Variants in SCUBE1 observed in about 807,000 individuals in gnomAD.
SCUBE1 encodes signal peptide, CUB domain and EGF like domain containing 1, also known as signal peptide, CUB and EGF-like domain-containing protein 1.
A neutral mutation model predicts 124.4 loss-of-function variants in SCUBE1; 59 were observed. That is an observed-to-expected ratio of 0.47 (90% CI 0.38 to 0.59). The LOEUF is 0.59. SCUBE1 is among the 20% of genes least tolerant of loss of function. The probability of loss-of-function intolerance (pLI) is 0.00; values close to 1 mark genes in which losing one functional copy is unlikely to be tolerated. For synonymous variants in SCUBE1, 545 were observed against 550.9 expected, an observed-to-expected ratio of 0.99 and a Z score of 0.15; for missense variants, 1,150 against 1,371.2, an observed-to-expected ratio of 0.84 and a Z score of 2.55.
intron 2 of SCUBE1, among the ~76,000 whole-genome samples, chr22:43,332,539 G>A (rs1926935683): frequency 6.6e-6 from 1 of 152,134 alleles, no homozygotes. Flanking sequence ...GGCCTGGCCT[G>A]ATGCTGGGAC....
At chr22:43,286,583 T>C (rs1027584784) in intron 4 of SCUBE1, among the ~76,000 whole-genome samples, 2 of 152,198 alleles carry the variant, frequency 1.3e-5, no homozygotes, top group African/African-American at 4.8e-5. Context: ...GAGGAGACCA[T>C]GTCACGAACG....
chr22:43,283,956 C>T (rs866989569), intron 4 of SCUBE1: 1 of 152,164 alleles, frequency 6.6e-6, no homozygotes, highest in Non-Finnish European at 1.5e-5. Flanking sequence ...TAAATTTAAC[C>T]AGAGGTCATC....
chr22:43,333,776 A>T (rs1451053746), intron 2 of SCUBE1, among the ~76,000 whole-genome samples: 2 of 152,214 alleles, frequency 1.3e-5, no homozygotes, highest in African/African-American at 4.8e-5. Flanking sequence ...TCCTCTATCA[A>T]CTGTGTAACC....
At chr22:43,218,485 G>A (rs918774644) in intron 14 of SCUBE1, 27 bp from the exon 15 acceptor site, 2 of 1,601,100 alleles carry the variant, frequency 1.2e-6, no homozygotes, top group Non-Finnish European at 1.7e-6. Context: ...GACAGAACAT[G>A]AATCGCTGGC....
At chr22:43,218,521 G>T (rs1242641319) in intron 14 of SCUBE1, 63 bp from the exon 15 acceptor site, 4 of 1,555,994 alleles carry the variant, frequency 2.6e-6, no homozygotes, top group Non-Finnish European at 3.5e-6. Flanking sequence ...TGCCTTCTTA[G>T]CTGAGGGCTC....
At chr22:43,229,257 A>G in intron 8 of SCUBE1, 69 bp from the exon 9 acceptor site, 1 of 1,020,826 alleles carries the variant, frequency 9.8e-7, no homozygotes, top group South Asian at 1.3e-5. Context: ...ACGGCCTGTC[A>G]CTCTCAGTCA....
chr22:43,290,905 C>T (rs187275159), intron 4 of SCUBE1, 141 bp downstream of exon 4: 63 of 860,094 alleles, frequency 7.3e-5, no homozygotes, highest in Admixed American at 7.1e-4. Context: ...CAATACCAGA[C>T]GTGCAAAACA....
intron 6 of SCUBE1, among the ~76,000 whole-genome samples, chr22:43,254,565 G>T (rs1036277756): frequency 6.6e-6 from 1 of 152,206 alleles, no homozygotes; most frequent in South Asian, 2.1e-4. Context: ...CCTGCAGGGT[G>T]GTGTGGGACT....
chr22:43,218,603 C>T, intron 14 of SCUBE1, 145 bp from the exon 15 acceptor site: 1 of 806,600 alleles, frequency 1.2e-6, no homozygotes, highest in Non-Finnish European at 2.0e-6. Flanking sequence ...GGCAAGGGGC[C>T]ACTGTCATGC....
At position 43,218,425 on chromosome 22, in the gene SCUBE1, G is replaced by A; in HGVS notation, c.1721C>T (p.Ala574Val). The A allele has an allele frequency of 6.2e-7, 1 of 1,612,850 alleles. No homozygotes were observed. Among genetic ancestry groups the A allele is most frequent in the Non-Finnish European group, 8.5e-7 (1 of 1,180,038 alleles). ...TCEADCLRKR[A>V]EQSLQAAIKT... ...GATGGCGGCCTGCAGGCTCTGTTCT[G>A]CTCGCTTCCGCAAGCAGTCCGCTTC... The change falls in exon 15 of 22, where the codon GCA (alanine) becomes GTA (valine). Residue 574 changes from alanine (A) to valine (V), a missense_variant. Around this residue, in one of 3 missense-constraint regions of SCUBE1, gnomAD observed 757 missense variants for 840.9 expected, o/e 0.90. Transcript: ENST00000360835.
rs1310079269 is a variant in SCUBE1, at chr22:43,302,537, C to G, written c.350-11357G>C. Among the ~76,000 whole-genome samples the G allele has an allele frequency of 2.0e-5, 3 of 152,152 alleles. No individual in the cohort carries two copies. In the East Asian group the frequency reaches 5.8e-4, roughly 29 times the overall value. On this transcript the variant is annotated intron_variant, in intron 3 of 21. Transcript: ENST00000360835. ...GCTCAGAGTCAGGCACTCTTTGTTA[C>G]AGTTATCTCAGTTAACCTCAGCCCA...
intron 2 of SCUBE1, among the ~76,000 whole-genome samples, chr22:43,336,716 C>A (rs1387276027): frequency 6.6e-6 from 1 of 152,158 alleles, no homozygotes; most frequent in Non-Finnish European, 1.5e-5. Flanking sequence ...CCTCTGGGAG[C>A]AGGGTAGGTA....
intron 4 of SCUBE1, among the ~76,000 whole-genome samples, chr22:43,284,231 T>C (rs914671066): frequency 6.6e-6 from 1 of 152,244 alleles, no homozygotes; most frequent in Admixed American, 6.5e-5. Flanking sequence ...GCAACCATTT[T>C]CTGTCTCCGT....
intron 3 of SCUBE1, among the ~76,000 whole-genome samples, chr22:43,315,512 G>A (rs1423167114): frequency 1.3e-5 from 2 of 152,114 alleles, no homozygotes; most frequent in Admixed American, 6.5e-5. Flanking sequence ...CCAAGAAGTC[G>A]GTTAACTAGC....
intron 3 of SCUBE1, among the ~76,000 whole-genome samples, chr22:43,296,869 G>A (rs995228988): frequency 3.9e-5 from 6 of 152,186 alleles, no homozygotes; most frequent in African/African-American, 1.2e-4. Context: ...AGACCCCCTC[G>A]GAAAAAGACC....
At chr22:43,217,310 C>T in intron 15 of SCUBE1, among the ~76,000 whole-genome samples, 1 of 151,762 alleles carries the variant, frequency 6.6e-6, no homozygotes, top group East Asian at 1.9e-4. Context: ...ACATGTCCAG[C>T]CTGCGCACCC....
rs563899121 is a variant in SCUBE1 at position 43,210,969 on chromosome 22, T to C, written c.2336A>G (p.Asn779Ser). The C allele has an allele frequency of 9.4e-5, 151 of 1,614,116 alleles. 4 individuals carry two copies. In the South Asian group the frequency reaches 1.6e-3, roughly 17 times the overall value. The change falls in exon 18 of 22, where the codon AAC (asparagine) becomes AGC (serine). Residue 779 changes from asparagine (N) to serine (S), a missense_variant. Physicochemically the swap from Asn to Ser is conservative, Grantham distance 46. Around this residue, in one of 3 missense-constraint regions of SCUBE1, gnomAD observed 757 missense variants for 840.9 expected, o/e 0.90. Coordinates refer to ENST00000360835, the MANE Select transcript of SCUBE1 (RefSeq NM_173050.5). This position sits in a 1 kb window ranked among gnomAD's most constrained non-coding sequence, Gnocchi z 4.5. ...GQNHCITCPG[N>S]TSTDFDGSTN... is the part of the protein sequence containing the mutation. Reference sequence around the variant, plus strand: ...GGAGCCATCGAAGTCTGTGCTGGTGTTGCCCGGACAGGTGATGCAGTGGTT... The same window carrying C: ...GGAGCCATCGAAGTCTGTGCTGGTGCTGCCCGGACAGGTGATGCAGTGGTT...
chr22:43,290,299 C>T (rs1230685165), intron 4 of SCUBE1, among the ~76,000 whole-genome samples: 1 of 151,990 alleles, frequency 6.6e-6, no homozygotes, highest in Non-Finnish European at 1.5e-5. Flanking sequence ...TGGCTCTCTC[C>T]TCCAAGCACA....
At chr22:43,293,902 C>G (rs1291638878) in intron 3 of SCUBE1, among the ~76,000 whole-genome samples, 2 of 152,242 alleles carry the variant, frequency 1.3e-5, no homozygotes, top group Admixed American at 1.3e-4. Flanking sequence ...CGCCCATCTG[C>G]AGCCATCTGG....
Sources: gnomAD v4.1 joint callset for allele counts (sites outside exome capture counted in the v4.1 genomes callset) on GRCh38, gnomAD v4.1.1 for gene constraint, gnomAD v4.1.1 regional missense constraint, Gnocchi (gnomAD v3.1) non-coding constraint, MANE v1.5 for transcripts, NCBI Gene and HGNC (gene_info 2026-07-23, HGNC 2026-07-21) for gene names.